Variants in EPHA3 observed in about 807,000 individuals in gnomAD.
EPHA3 encodes ephrin type-A receptor 3.
Under a neutral mutation model 107.1 loss-of-function variants are expected in EPHA3, and 42 were observed. The ratio of observed to expected loss-of-function variants is 0.39; its 90% confidence interval spans 0.31 to 0.51. The LOEUF (loss-of-function observed/expected upper bound fraction) is 0.51, where lower values mean the gene tolerates loss of function less well. EPHA3 is among the 20% of genes least tolerant of loss of function. The pLI is 0.78. For synonymous variants in EPHA3, 461 were observed against 424.8 expected (o/e 1.09, Z -1.05); for missense variants, 1,183 against 1,211.2 (o/e 0.98, Z 0.35).
At chr3:89,162,941 A>G (rs1386473202) in intron 2 of EPHA3, among the ~76,000 whole-genome samples, 2 of 152,214 alleles carry the variant, frequency 1.3e-5, no homozygotes, top group Non-Finnish European at 2.9e-5. Flanking sequence ...CCTTCAATGA[A>G]GAGGTATTCA....
chr3:89,243,224 T>C (rs1704949938), intron 3 of EPHA3, among the ~76,000 whole-genome samples: 1 of 152,112 alleles, frequency 6.6e-6, no homozygotes, highest in Admixed American at 6.5e-5. Context: ...TATGTGTGCA[T>C]GTTTCTTTAT....
At chr3:89,196,333 C>T (rs1322919856) in intron 2 of EPHA3, among the ~76,000 whole-genome samples, 1 of 152,160 alleles carries the variant, frequency 6.6e-6, no homozygotes, top group East Asian at 1.9e-4. Flanking sequence ...CTCCTGAAAA[C>T]ATAACACTAT....
chr3:89,390,772 G>T (rs1708711214), intron 5 of EPHA3, among the ~76,000 whole-genome samples: 2 of 144,770 alleles, frequency 1.4e-5, no homozygotes, highest in Admixed American at 6.8e-5. Flanking sequence ...TCTTGGAAGA[G>T]AAATTGAAAA....
intron 5 of EPHA3, among the ~76,000 whole-genome samples, chr3:89,375,362 A>G (rs1298938166): frequency 1.3e-5 from 2 of 151,844 alleles, no homozygotes; most frequent in Middle Eastern, 3.2e-3. Context: ...TTATTTGGGA[A>G]TGATCCCTGA....
At chr3:89,394,299 A>G (rs1374539871) in intron 5 of EPHA3, among the ~76,000 whole-genome samples, 1 of 152,204 alleles carries the variant, frequency 6.6e-6, no homozygotes, top group Non-Finnish European at 1.5e-5. Flanking sequence ...AGTCTCAGCC[A>G]GTAGGATTGC....
At position 89,236,515 on chromosome 3, in the gene EPHA3, A is replaced by C. The variant is rs1460820846; in HGVS notation, c.814+25995A>C. Among the ~76,000 whole-genome samples, 3 of 148,770 alleles carry C rather than the reference A, an allele frequency of 2.0e-5. No homozygotes were observed. The East Asian group carries it at 6.1e-4, about 30-fold the overall frequency. On this transcript the variant is annotated intron_variant, in intron 3 of 16. Transcript: ENST00000336596. The stretch of plus-strand genomic sequence containing the variant: ...GAAATTTAGCAATATAGTATTAAGT[A>C]AAGAGTAAGTCCTTATGAGAACACA...
At chr3:89,146,323 G>T (rs1704557117) in intron 2 of EPHA3, among the ~76,000 whole-genome samples, 1 of 151,752 alleles carries the variant, frequency 6.6e-6, no homozygotes, top group Non-Finnish European at 1.5e-5. Flanking sequence ...ATCCCCCAAA[G>T]TGCATGAGTA....
intron 5 of EPHA3, among the ~76,000 whole-genome samples, chr3:89,362,586 T>C (rs1034035579): frequency 2.0e-5 from 3 of 151,002 alleles, no homozygotes; most frequent in African/African-American, 7.3e-5. Context: ...CAGAAAGTAA[T>C]ATGGAAAGAT....
intron 3 of EPHA3, among the ~76,000 whole-genome samples, chr3:89,227,582 G>C: frequency 6.6e-6 from 1 of 151,970 alleles, no homozygotes; most frequent in East Asian, 1.9e-4. Context: ...GGAATGTGGG[G>C]CAAAATTTCT....
chr3:89,401,775 T>A (rs1207294728), intron 7 of EPHA3, among the ~76,000 whole-genome samples: 1 of 151,780 alleles, frequency 6.6e-6, no homozygotes, highest in Non-Finnish European at 1.5e-5. Flanking sequence ...GTCTGGCTAA[T>A]TTTTTTTGTA....
intron 3 of EPHA3, among the ~76,000 whole-genome samples, chr3:89,339,405 T>C (rs1385241972): frequency 6.9e-6 from 1 of 144,626 alleles, no homozygotes; most frequent in African/African-American, 2.5e-5. Context: ...GAAAGAAAAA[T>C]TATAATTGTT....
chr3:89,301,810 C>G (rs1253713875), intron 3 of EPHA3, among the ~76,000 whole-genome samples: 1 of 151,914 alleles, frequency 6.6e-6, no homozygotes, highest in African/African-American at 2.4e-5. Flanking sequence ...AAATGATAGT[C>G]CGGAATATTA....
chr3:89,214,283 T>TTCA (rs1704174520), intron 3 of EPHA3, among the ~76,000 whole-genome samples: 1 of 152,008 alleles, frequency 6.6e-6, no homozygotes, highest in Non-Finnish European at 1.5e-5. Context: ...AGGGATGGGC[T>TTCA]TCAAAATGGC....
chr3:89,109,915 A>G (rs771713078), intron 1 of EPHA3, among the ~76,000 whole-genome samples: 4 of 151,970 alleles, frequency 2.6e-5, no homozygotes, highest in Non-Finnish European at 5.9e-5. Context: ...TTTAAAACAA[A>G]TTTAAGATGA....
At chr3:89,340,123 C>T (rs1273598652) in intron 3 of EPHA3, among the ~76,000 whole-genome samples, 1 of 152,066 alleles carries the variant, frequency 6.6e-6, no homozygotes, top group Non-Finnish European at 1.5e-5. Context: ...AGATGCTGAA[C>T]CCTAAATTAT....
chr3:89,334,385 T>A (rs1262947018), intron 3 of EPHA3, among the ~76,000 whole-genome samples: 1 of 152,248 alleles, frequency 6.6e-6, no homozygotes, highest in Non-Finnish European at 1.5e-5. Flanking sequence ...CTAATTTTAA[T>A]CCTTAAAGCA....
At chr3:89,184,350 A>T (rs563156768) in intron 2 of EPHA3, among the ~76,000 whole-genome samples, 1 of 151,936 alleles carries the variant, frequency 6.6e-6, no homozygotes, top group South Asian at 2.1e-4. Flanking sequence ...AGTTACAGGG[A>T]TTTCTTGGCA....
intron 13 of EPHA3, among the ~76,000 whole-genome samples, chr3:89,443,346 A>C (rs959377681): frequency 3.9e-5 from 6 of 152,210 alleles, no homozygotes; most frequent in Non-Finnish European, 7.3e-5. Flanking sequence ...TACTCTAAAA[A>C]AGTTGATGCT....
rs577439125 is a variant in EPHA3 at position 89,258,804 on chromosome 3, A to G, written c.814+48284A>G. 1.1e-4 allele frequency among the ~76,000 whole-genome samples: 17 copies of G among 152,264 alleles called. 1 individual carries two copies. Among genetic ancestry groups the G allele is most frequent in the Admixed American group, 5.9e-4 (9 of 15,288 alleles). ...CACTAAAACCAATGACAGGTGGTTGATAGAGGTGGGGTGAACATGTGACAA... is the reference window on the plus strand; with the variant it reads ...CACTAAAACCAATGACAGGTGGTTGGTAGAGGTGGGGTGAACATGTGACAA... On this transcript the variant is annotated intron_variant, in intron 3 of 16. Transcript: ENST00000336596.
Sources: allele counts gnomAD v4.1 joint callset (sites outside exome capture counted in the v4.1 genomes callset), GRCh38; gene constraint gnomAD v4.1.1; transcripts MANE v1.5; gene names NCBI Gene and HGNC (gene_info 2026-07-23, HGNC 2026-07-21).